Variants in ADAMTS12 observed in about 807,000 individuals in gnomAD.
The protein encoded by ADAMTS12 is ADAM metallopeptidase with thrombospondin type 1 motif 12, also known as A disintegrin and metalloproteinase with thrombospondin motifs 12.
Under a neutral mutation model 167.8 loss-of-function variants are expected in ADAMTS12, and 118 were observed. That is an observed-to-expected ratio of 0.70 (90% CI 0.61 to 0.82). The LOEUF (loss-of-function observed/expected upper bound fraction) is 0.82, where lower values mean the gene tolerates loss of function less well. Ranked by LOEUF, ADAMTS12 falls within the 40% of genes least tolerant of loss-of-function variation. ADAMTS12 has a pLI of 0.00. For synonymous variants in ADAMTS12, 704 were observed against 716.9 expected (o/e 0.98, Z 0.29); for missense variants, 1,916 against 1,998.8 (o/e 0.96, Z 0.79).
chr5:33,719,580 T>C (rs1169149091), intron 3 of ADAMTS12, among the ~76,000 whole-genome samples: 1 of 152,214 alleles, frequency 6.6e-6, no homozygotes, highest in Non-Finnish European at 1.5e-5. Flanking sequence ...AATGAGTGTC[T>C]ATTGAGTGAT....
intron 3 of ADAMTS12, among the ~76,000 whole-genome samples, chr5:33,723,434 G>A (rs1333051404): frequency 6.6e-6 from 1 of 152,020 alleles, no homozygotes; most frequent in Non-Finnish European, 1.5e-5. Flanking sequence ...ATCTCCAAAT[G>A]TGCATAGATC....
chr5:33,659,297 G>A (rs899361393), intron 6 of ADAMTS12, among the ~76,000 whole-genome samples: 1 of 152,158 alleles, frequency 6.6e-6, no homozygotes, highest in South Asian at 2.1e-4. Flanking sequence ...ACTCAAATCC[G>A]CACTCTCACT....
At chr5:33,714,489 T>C (rs1743526775) in intron 3 of ADAMTS12, among the ~76,000 whole-genome samples, 1 of 152,078 alleles carries the variant, frequency 6.6e-6, no homozygotes, top group African/African-American at 2.4e-5. Context: ...GTCAAAGGGA[T>C]GCCTGCACCC....
chr5:33,856,724 T>C (rs917189209), intron 2 of ADAMTS12, among the ~76,000 whole-genome samples: 8 of 152,120 alleles, frequency 5.3e-5, no homozygotes, highest in Middle Eastern at 3.2e-3. Flanking sequence ...CCTGTCAGAA[T>C]GGCTATTATA....
intron 18 of ADAMTS12, 33 bp from the exon 19 acceptor site, chr5:33,577,193 G>A (rs1746795107): frequency 6.2e-7 from 1 of 1,613,320 alleles, no homozygotes; most frequent in African/African-American, 1.3e-5. Context: ...AGCCTGGCGA[G>A]AGAAGATGCT....
intron 17 of ADAMTS12, among the ~76,000 whole-genome samples, chr5:33,592,768 A>T (rs1221455211): frequency 6.6e-6 from 1 of 152,222 alleles, no homozygotes; most frequent in Non-Finnish European, 1.5e-5. Context: ...GATATTACTG[A>T]AGAAAAATGA....
chr5:33,575,908 G>C, intron 19 of ADAMTS12, 146 bp downstream of exon 19: 1 of 1,138,040 alleles, frequency 8.8e-7, no homozygotes, highest in South Asian at 1.7e-5. Context: ...GGTAAGGAGG[G>C]AGGGGAGGGC....
At chr5:33,846,533 T>C (rs1322313745) in intron 2 of ADAMTS12, among the ~76,000 whole-genome samples, 1 of 152,204 alleles carries the variant, frequency 6.6e-6, no homozygotes, top group East Asian at 1.9e-4. Context: ...TGATTGCTGC[T>C]CCAGAGCTCA....
At chr5:33,754,026 T>C (rs1330701363) in intron 2 of ADAMTS12, among the ~76,000 whole-genome samples, 2 of 152,062 alleles carry the variant, frequency 1.3e-5, no homozygotes, top group Non-Finnish European at 2.9e-5. Context: ...AGGTGGGGAA[T>C]TCCTCATCTG....
At chr5:33,543,592 C>T (rs1359949052) in intron 22 of ADAMTS12, among the ~76,000 whole-genome samples, 13 of 152,154 alleles carry the variant, frequency 8.5e-5, no homozygotes, top group Admixed American at 1.3e-4. Context: ...CCATGATGAA[C>T]ATCAGTGCAA....
At chr5:33,795,201 C>T (rs1746728230) in intron 2 of ADAMTS12, among the ~76,000 whole-genome samples, 2 of 152,194 alleles carry the variant, frequency 1.3e-5, no homozygotes, top group South Asian at 4.1e-4. Context: ...AATCTGCAAG[C>T]ATCTGCCCTG....
chr5:33,555,153 T>C (rs1745431618), intron 20 of ADAMTS12, among the ~76,000 whole-genome samples: 1 of 152,204 alleles, frequency 6.6e-6, no homozygotes, highest in African/African-American at 2.4e-5. Flanking sequence ...GTGCAGATGA[T>C]GCATCGTTTT....
chr5:33,597,460 G>A (rs759232064), intron 16 of ADAMTS12, among the ~76,000 whole-genome samples: 22 of 152,068 alleles, frequency 1.4e-4, no homozygotes, highest in Non-Finnish European at 2.8e-4. Context: ...CCAACGAGCT[G>A]GTCACCTCCT....
intron 2 of ADAMTS12, among the ~76,000 whole-genome samples, chr5:33,832,230 G>A (rs753879147): frequency 7.2e-5 from 11 of 152,158 alleles, no homozygotes; most frequent in Non-Finnish European, 1.3e-4. Flanking sequence ...AGATAGGAAG[G>A]GGGTCTTTTA....
intron 3 of ADAMTS12, among the ~76,000 whole-genome samples, chr5:33,728,554 C>T (rs1744066956): frequency 1.3e-5 from 2 of 152,190 alleles, no homozygotes; most frequent in African/African-American, 2.4e-5. Context: ...TCAGCCTGGC[C>T]CTGGGCCTCT....
At chr5:33,585,886 G>A (rs1227090432) in intron 18 of ADAMTS12, among the ~76,000 whole-genome samples, 1 of 152,118 alleles carries the variant, frequency 6.6e-6, no homozygotes, top group Non-Finnish European at 1.5e-5. Flanking sequence ...TGGCACGGCT[G>A]AGCCCACTCT....
intron 17 of ADAMTS12, among the ~76,000 whole-genome samples, chr5:33,589,077 G>A (rs1747512468): frequency 6.6e-6 from 1 of 152,186 alleles, no homozygotes; most frequent in East Asian, 1.9e-4. Flanking sequence ...TCTCTTTTCA[G>A]GAAGAAAACT....
chr5:33,777,700 T>C (rs1234370460), intron 2 of ADAMTS12, among the ~76,000 whole-genome samples: 3 of 151,936 alleles, frequency 2.0e-5, no homozygotes, highest in African/African-American at 7.2e-5. Context: ...GAAAAAGAAA[T>C]AAGAGGCATC....
chr5:33,865,309 G>C (rs1749777688), intron 2 of ADAMTS12, among the ~76,000 whole-genome samples: 1 of 151,912 alleles, frequency 6.6e-6, no homozygotes, highest in African/African-American at 2.4e-5. Flanking sequence ...CAGGGATGTA[G>C]GGACGATGGA....
Sources: allele counts gnomAD v4.1 joint callset (sites outside exome capture counted in the v4.1 genomes callset), GRCh38; gene constraint gnomAD v4.1.1; transcripts MANE v1.5; gene names NCBI Gene and HGNC (gene_info 2026-07-23, HGNC 2026-07-21).